The following SLC2A9 variants were observed in gnomAD, a reference collection of about 807,000 sequenced individuals.
SLC2A9 encodes solute carrier family 2 member 9, also known as solute carrier family 2, facilitated glucose transporter member 9.
Under a neutral mutation model 50.6 loss-of-function variants are expected in SLC2A9, and 39 were observed. That is an observed-to-expected ratio of 0.77 (90% CI 0.60 to 1.01). SLC2A9 has a LOEUF of 1.01. Ranked by LOEUF, SLC2A9 falls within the 50% of genes least tolerant of loss-of-function variation. The pLI, the probability that SLC2A9 is intolerant of heterozygous loss-of-function variation, is 0.00. For synonymous variants in SLC2A9, 324 were observed against 276.9 expected (o/e 1.17, Z -1.69); for missense variants, 686 against 677.6 (o/e 1.01, Z -0.14).
chr4:10,023,126 G>C (rs1763622545), upstream of SLC2A9, among the ~76,000 whole-genome samples: 1 of 152,206 alleles, frequency 6.6e-6, no homozygotes, highest in Non-Finnish European at 1.5e-5. Flanking sequence ...ATCTCAGCTG[G>C]ATCTTGGAGA....
exon 2 of SLC2A9, chr4:9,771,181 T>C (rs756640623): frequency 1.1e-5 from 3 of 278,840 alleles, no homozygotes; most frequent in Non-Finnish European, 2.0e-5. Context: ...TTGAAACTTA[T>C]ATTAGTCAAG....
chr4:9,950,892 C>CAAAAAAAAAAAAAAAAAAAAA (rs764863059), intron 5 of SLC2A9, among the ~76,000 whole-genome samples: 3 of 11,554 alleles, frequency 2.6e-4, no homozygotes, highest in Non-Finnish European at 4.5e-4. Context: ...GACTCCGTCT[C>CAAAAAAAAAAAAAAAAAAAAA]AAAAAAAAAA....
intron 5 of SLC2A9, among the ~76,000 whole-genome samples, chr4:9,954,858 C>G (rs1460418006): frequency 6.9e-6 from 1 of 144,776 alleles, no homozygotes; most frequent in Non-Finnish European, 1.5e-5. Flanking sequence ...TAGTTGGTCA[C>G]AGCTGGCAAT....
At chr4:9,984,696 C>T (rs1400299528) in intron 4 of SLC2A9, among the ~76,000 whole-genome samples, 1 of 152,172 alleles carries the variant, frequency 6.6e-6, no homozygotes, top group Non-Finnish European at 1.5e-5. Context: ...GAGTCTCCTA[C>T]TCTCACTCCC....
intron 5 of SLC2A9, among the ~76,000 whole-genome samples, chr4:9,979,322 GA>G (rs1325670961): frequency 1.3e-5 from 2 of 152,148 alleles, no homozygotes; most frequent in African/African-American, 4.8e-5. Flanking sequence ...TAGGACGTGC[GA>G]ATTTGTTATG....
chr4:9,887,235 T>C (rs904601294), intron 10 of SLC2A9, among the ~76,000 whole-genome samples: 12 of 152,258 alleles, frequency 7.9e-5, no homozygotes, highest in African/African-American at 2.9e-4. Context: ...GGTAACTGCT[T>C]AGGCACAGAC....
chr4:10,019,377 C>T (rs1315117712), intron 1 of SLC2A9: 3 of 473,548 alleles, frequency 6.3e-6, no homozygotes, highest in African/African-American at 1.9e-5. Context: ...CCACACGATC[C>T]TTTCAGCGAA....
chr4:9,806,619 A>G (rs570733455), intron 3 of SLC2A9, among the ~76,000 whole-genome samples: 28 of 152,116 alleles, frequency 1.8e-4, no homozygotes, highest in African/African-American at 6.3e-4. Flanking sequence ...ATTTGGCTCC[A>G]CTCAAGAGGG....
In SLC2A9 at chr4:9,877,786, T is replaced by A. The variant is rs113565634; in HGVS notation, c.1291+9781A>T. 9.3e-3 allele frequency among the ~76,000 whole-genome samples: 1,414 copies of A among 152,328 alleles called. 20 individuals are homozygous for A. Among genetic ancestry groups the A allele is most frequent in the African/African-American group, 0.031 (1,304 of 41,566 alleles). ...GGTGGCTTTGACTCTTTATGTTATC[T>A]GATGCTCCTGCCATCTTCCTGTCCC... On this transcript the variant is annotated intron_variant, in intron 10 of 11. Transcript: ENST00000264784.
chr4:10,031,059 G>A (rs1288724926), intron 1 of SLC2A9, among the ~76,000 whole-genome samples: 1 of 152,204 alleles, frequency 6.6e-6, no homozygotes, highest in African/African-American at 2.4e-5. Flanking sequence ...TTGAGGAGCT[G>A]GGATTCCATT....
intron 10 of SLC2A9, among the ~76,000 whole-genome samples, chr4:9,869,645 A>G (rs111844776): frequency 2.6e-5 from 4 of 152,284 alleles, no homozygotes; most frequent in African/African-American, 7.2e-5. Context: ...ATTTTACGCC[A>G]ATCTTTCTCC....
At chr4:9,775,020 C>A (rs573795073), downstream of SLC2A9, among the ~76,000 whole-genome samples, 5 of 152,174 alleles carry the variant, frequency 3.3e-5, no homozygotes, top group Non-Finnish European at 7.3e-5. Context: ...TGCTTGCACA[C>A]CTCGGTGGAC....
At chr4:9,861,599 C>T (rs1274329797) in intron 10 of SLC2A9, among the ~76,000 whole-genome samples, 1 of 152,164 alleles carries the variant, frequency 6.6e-6, no homozygotes, top group African/African-American at 2.4e-5. Flanking sequence ...TTGCTCCATG[C>T]ACTGCTCCAA....
chr4:9,774,707 TCTC>T (rs1717311137), intron 1 of SLC2A9, among the ~76,000 whole-genome samples: 1 of 152,050 alleles, frequency 6.6e-6, no homozygotes, highest in Non-Finnish European at 1.5e-5. Context: ...TCTCTCTCTC[TCTC>T]CTCTTCCTCT....
intron 10 of SLC2A9, among the ~76,000 whole-genome samples, chr4:9,874,805 T>C (rs1056707859): frequency 8.5e-5 from 13 of 152,260 alleles, no homozygotes; most frequent in Non-Finnish European, 1.5e-4. Flanking sequence ...AGTGTCTGTC[T>C]AATGTGGGAC....
chr4:9,772,827 T>TA (rs1717018556), intron 1 of SLC2A9, among the ~76,000 whole-genome samples: 1 of 150,596 alleles, frequency 6.6e-6, no homozygotes, highest in South Asian at 2.1e-4. Flanking sequence ...TTTTTTTTAT[T>TA]TTTTTTTTAT....
At chr4:9,954,244 C>T (rs1750810254) in intron 5 of SLC2A9, among the ~76,000 whole-genome samples, 1 of 152,270 alleles carries the variant, frequency 6.6e-6, no homozygotes, top group Non-Finnish European at 1.5e-5. Flanking sequence ...AGCCAATGCC[C>T]AGTTCTTAGT....
At chr4:9,776,185 T>C (rs6815039), downstream of SLC2A9, among the ~76,000 whole-genome samples, 85,566 of 140,862 alleles carry the variant, frequency 0.61, 25,025 homozygotes, top group Non-Finnish European at 0.66. Flanking sequence ...AAGTCTTTCT[T>C]TCTTTTTTTT....
At chr4:9,961,500 T>A (rs540372963) in intron 5 of SLC2A9, among the ~76,000 whole-genome samples, 1 of 152,180 alleles carries the variant, frequency 6.6e-6, no homozygotes, top group Non-Finnish European at 1.5e-5. Flanking sequence ...TGGTTAGCCA[T>A]AGACAGAAAA....
Sources: gnomAD v4.1 joint callset for allele counts (sites outside exome capture counted in the v4.1 genomes callset) on GRCh38, gnomAD v4.1.1 for gene constraint, MANE v1.5 for transcripts, NCBI Gene and HGNC (gene_info 2026-07-23, HGNC 2026-07-21) for gene names.